Variants in TMEM94 observed in about 807,000 individuals in gnomAD.
The protein encoded by TMEM94 is transmembrane protein 94.
In TMEM94, 81 loss-of-function variants were observed where a neutral mutation model predicts 158.6. That is an observed-to-expected ratio of 0.51 (90% CI 0.43 to 0.61). The LOEUF is 0.61. Among genes scored for constraint, TMEM94 ranks in the 20% least tolerant of loss-of-function variants. TMEM94 has a pLI of 0.00. For synonymous variants in TMEM94, 751 were observed against 730.7 expected (o/e 1.03, Z -0.45); for missense variants, 1,435 against 1,762.0 (o/e 0.81, Z 3.32).
Position 75,489,389 on chromosome 17 carries a change from C to T in TMEM94, c.867+21C>T, listed in dbSNP as rs370143445. 4.1e-5 allele frequency: 66 copies of T among 1,608,242 alleles called. No homozygotes were observed. Among genetic ancestry groups the T allele is most frequent in the South Asian group, 2.2e-4 (20 of 90,948 alleles). On this transcript the variant is annotated intron_variant, in intron 8 of 31. Coordinates refer to ENST00000314256, the MANE Select transcript of TMEM94 (RefSeq NM_014738.6). This position sits in a 1 kb window ranked among gnomAD's most constrained non-coding sequence, Gnocchi z 5.0. ...TCCTGGTGCGTGTGGCGGGGCTGTG[C>T]GGGGCTGCATGGGGCAGAGGAGAGG... is the stretch of plus-strand genomic sequence containing the variant.
chr17:75,487,901 AGG>A lies in TMEM94; in HGVS notation c.410-29_410-28del, dbSNP rs2051761208. ...ACTGGGGGGCAGGGCCGTGGCTGAG[AGG>A]GTTGTTTCCCTCTTTCCATTCCCCT... is the stretch of plus-strand genomic sequence containing the variant. On this transcript the variant is annotated intron_variant, in intron 5 of 31. Transcript: ENST00000314256. The surrounding 1 kb of genome is among the most constrained non-coding windows in gnomAD (Gnocchi z 4.6). 2 of 1,586,764 alleles carry A rather than the reference AGG, an allele frequency of 1.3e-6. No homozygotes were observed. The highest frequency in any genetic ancestry group is 1.3e-5 in the African/African-American group (1 of 74,320).
Position 75,485,397 on chromosome 17 carries a change from G to A in TMEM94, c.25-31G>A, listed in dbSNP as rs72854381. 62 of 1,602,734 alleles carry A rather than the reference G, an allele frequency of 3.9e-5. No homozygotes were observed. Among genetic ancestry groups the A allele is most frequent in the Non-Finnish European group, 5.3e-5 (62 of 1,171,760 alleles). ...TGCCTTGCATAGCCTTGGCCTGGCA[G>A]TGACGCCCAGCGCCTCCTGCTTGCC... On this transcript the variant is annotated intron_variant, in intron 2 of 31. Coordinates refer to ENST00000314256, the MANE Select transcript of TMEM94 (RefSeq NM_014738.6). The surrounding 1 kb of genome is among the most constrained non-coding windows in gnomAD (Gnocchi z 5.5).
chr17:75,470,066 T>A (rs2050441362), intron 1 of TMEM94, among the ~76,000 whole-genome samples: 1 of 151,976 alleles, frequency 6.6e-6, no homozygotes, highest in Non-Finnish European at 1.5e-5. Context: ...AGAGTGAAAC[T>A]CCGTCTCAAA....
Position 75,498,863 on chromosome 17 carries a change from G to A in TMEM94, c.3828-49G>A. ...TAACTGTTGTACTGGGAAGAGCAGG[G>A]AAGGAAGCAAGCAGTGTCGGGTTCA... On this transcript the variant is annotated intron_variant, in intron 30 of 31. Coordinates refer to ENST00000314256, the MANE Select transcript of TMEM94 (RefSeq NM_014738.6). This position sits in a 1 kb window ranked among gnomAD's most constrained non-coding sequence, Gnocchi z 6.7. 6.6e-7 allele frequency: 1 copy of A among 1,525,664 alleles called. No homozygotes were observed. The highest frequency in any genetic ancestry group is 8.8e-7 in the Non-Finnish European group (1 of 1,136,698). The allele number at this position is 1,525,664 out of a possible 1,614,324, so 94.5% of individuals were successfully genotyped here.
chr17:75,457,940 G>T (rs868414546), intron 1 of TMEM94, among the ~76,000 whole-genome samples: 10 of 152,052 alleles, frequency 6.6e-5, no homozygotes, highest in African/African-American at 2.4e-4. Flanking sequence ...AAAGCGATGG[G>T]CATTAAAAGT....
In TMEM94 at chr17:75,488,053, G is replaced by T. The variant is rs757660176; in HGVS notation, c.531G>T (p.Leu177=). 1.2e-6 allele frequency: 2 copies of T among 1,614,216 alleles called. No homozygotes were observed. The highest frequency in any genetic ancestry group is 1.7e-6 in the Non-Finnish European group (2 of 1,180,034). The change falls in exon 6 of 32, where the codon CTG becomes CTT. Residue 177 remains leucine, a synonymous_variant. Coordinates refer to ENST00000314256, the MANE Select transcript of TMEM94 (RefSeq NM_014738.6). ...WAYRDGHLVN[L]PVSLLVEGDI... The stretch of plus-strand genomic sequence containing the variant: ...ACAGAGACGGACACCTGGTCAACCT[G>T]CCAGTCAGCCTGCTGGTTGAAGGAG...
chr17:75,461,337 T>C (rs1330839719), intron 1 of TMEM94, among the ~76,000 whole-genome samples: 1 of 151,234 alleles, frequency 6.6e-6, no homozygotes, highest in Non-Finnish European at 1.5e-5. Context: ...TGACCCCAGA[T>C]GATCCGCCTG....
chr17:75,499,508 T>A lies in TMEM94; in HGVS notation c.*174T>A. 1.6e-6 allele frequency: 1 copy of A among 641,680 alleles called. No individual in the cohort carries two copies. Among genetic ancestry groups the A allele is most frequent in the Non-Finnish European group, 2.7e-6 (1 of 370,262 alleles). 39.7% of individuals were successfully genotyped at this position (641,680 alleles called of 1,614,324 possible). ...TGTCTTCCTGAGCCCTGGGGCTCAC[T>A]GTGGAGGAGCTGACGGCCTGGGCCC... On this transcript the variant is annotated 3_prime_UTR_variant, in exon 32 of 32. Transcript: ENST00000314256.
In TMEM94 at chr17:75,490,309, C is replaced by T. The variant is rs757820068; in HGVS notation, c.1030C>T (p.Arg344Cys). 12 of 1,613,966 alleles carry T rather than the reference C, an allele frequency of 7.4e-6. No individual in the cohort carries two copies. The highest frequency in any genetic ancestry group is 1.6e-4 in the Middle Eastern group (1 of 6,084). ...WVLATACGEARVLAQMSKASP... is the reference protein window; with the variant it reads ...WVLATACGEACVLAQMSKASP... ...TCTGGCAACTGCCTGTGGAGAGGCC[C>T]GTGTCCTGGCCCAGATGAGCAAGGC... The change falls in exon 10 of 32, where the codon CGT (arginine) becomes TGT (cysteine). Residue 344 changes from arginine (R) to cysteine (C), a missense_variant. Arg to Cys is a radical substitution (Grantham distance 180, BLOSUM62 -3). This residue lies in a region of TMEM94 where 1,051 missense variants were observed against 1,254.4 expected (regional missense o/e 0.84). Coordinates refer to ENST00000314256, the MANE Select transcript of TMEM94 (RefSeq NM_014738.6).
chr17:75,498,983 T>A lies in TMEM94; in HGVS notation c.3899T>A (p.Phe1300Tyr), dbSNP rs752883965. The A allele has an allele frequency of 1.9e-6, 3 of 1,600,622 alleles. No homozygotes were observed. The highest frequency in any genetic ancestry group is 2.2e-5 in the South Asian group (2 of 90,686). ...LWTHRDSHVH[F>Y]GLEDVPLLTW... ...ACACACAGGGACAGCCACGTCCACTTTGGCCTGGAGGACGTGCCCCTGCTG... is the reference window on the plus strand; with the variant it reads ...ACACACAGGGACAGCCACGTCCACTATGGCCTGGAGGACGTGCCCCTGCTG... The change falls in exon 31 of 32, where the codon TTT (phenylalanine) becomes TAT (tyrosine). Residue 1300 changes from phenylalanine (F) to tyrosine (Y), a missense_variant. Physicochemically the swap from Phe to Tyr is conservative, Grantham distance 22 (BLOSUM62 3). Around this residue, in one of 3 missense-constraint regions of TMEM94, gnomAD observed 335 missense variants for 409.1 expected, o/e 0.82. Transcript: ENST00000314256. The surrounding 1 kb of genome is among the most constrained non-coding windows in gnomAD (Gnocchi z 6.7).
intron 1 of TMEM94, among the ~76,000 whole-genome samples, chr17:75,467,768 G>A (rs535684596): frequency 2.0e-5 from 3 of 151,192 alleles, no homozygotes; most frequent in East Asian, 1.9e-4. Flanking sequence ...TCCTGACCTC[G>A]TGATCCACCC....
chr17:75,457,226 G>A (rs961749160), intron 1 of TMEM94: 5 of 152,334 alleles, frequency 3.3e-5, no homozygotes, highest in African/African-American at 9.6e-5. Flanking sequence ...AGCCGGCCGA[G>A]GGGCTCCTGG....
At position 75,496,270 on chromosome 17, in the gene TMEM94, C is replaced by G. The variant is rs78549838; in HGVS notation, c.3054-12C>G. ...ATACAGCTGAAGTGTGTGTGTCCCC[C>G]ACCCTGAGCAGCATTGCCCTGGATC... On this transcript the variant is annotated splice_polypyrimidine_tract_variant and intron_variant, in intron 23 of 31. Coordinates refer to ENST00000314256, the MANE Select transcript of TMEM94 (RefSeq NM_014738.6). The G allele has an allele frequency of 3.7e-6, 6 of 1,614,146 alleles. No individual in the cohort carries two copies. Among genetic ancestry groups the G allele is most frequent in the South Asian group, 1.1e-5 (1 of 91,086 alleles).
In TMEM94 at chr17:75,485,805, G is replaced by A. The variant is rs981281935; in HGVS notation, c.145-66G>A. 92 of 1,525,290 alleles carry A rather than the reference G, an allele frequency of 6.0e-5. 1 individual carries two copies. The highest frequency in any genetic ancestry group is 8.0e-5 in the Non-Finnish European group (90 of 1,128,940). The allele number at this position is 1,525,290 out of a possible 1,614,324, so 94.5% of individuals were successfully genotyped here. ...GGCCATGGGGGCTGGGAAGGGTGCCGGGGGAGGCAGCCAGATTGGAGTGGG... is the reference window on the plus strand; with the variant it reads ...GGCCATGGGGGCTGGGAAGGGTGCCAGGGGAGGCAGCCAGATTGGAGTGGG... On this transcript the variant is annotated intron_variant, in intron 3 of 31. Coordinates refer to ENST00000314256, the MANE Select transcript of TMEM94 (RefSeq NM_014738.6). This position sits in a 1 kb window ranked among gnomAD's most constrained non-coding sequence, Gnocchi z 5.5.
At chr17:75,476,540 T>G (rs2050699571) in intron 2 of TMEM94, 1 of 1,441,288 alleles carries the variant, frequency 6.9e-7, no homozygotes, top group African/African-American at 1.4e-5. Flanking sequence ...TGCGCCTGAT[T>G]CTGTGCAGCA....
rs376425373 is a variant in TMEM94, at chr17:75,491,873, C to T, written c.1569C>T (p.Thr523=). The T allele has an allele frequency of 9.9e-6, 16 of 1,613,410 alleles. No homozygotes were observed. Among genetic ancestry groups the T allele is most frequent in the East Asian group, 4.5e-5 (2 of 44,846 alleles). ...SGSNVSFSRD[T]EGGEEEPSKT... ...CCAACGTGAGCTTCAGCAGGGACAC[C>T]GAGGGTGGTGAAGAAGAGCCCAGCA... Residue 523 remains threonine, a synonymous_variant, in exon 14 of 32, where the codon ACC becomes ACT. Coordinates refer to ENST00000314256, the MANE Select transcript of TMEM94 (RefSeq NM_014738.6). The surrounding 1 kb of genome is among the most constrained non-coding windows in gnomAD (Gnocchi z 5.1).
chr17:75,465,679 A>ATATATATATATATATATATATTTTTT, intron 1 of TMEM94, among the ~76,000 whole-genome samples: 1 of 124,820 alleles, frequency 8.0e-6, no homozygotes, highest in Non-Finnish European at 1.6e-5. Flanking sequence ...ATATATATAT[A>ATATATATATATATATATATATTTTTT]TTTTTTTTTA....
chr17:75,472,540 C>T (rs1038565353), intron 2 of TMEM94, among the ~76,000 whole-genome samples: 2 of 152,220 alleles, frequency 1.3e-5, no homozygotes, highest in African/African-American at 4.8e-5. Flanking sequence ...TCTGCCACAC[C>T]TTCCTAATAG....
At chr17:75,464,816 C>T (rs1315605872) in intron 1 of TMEM94, among the ~76,000 whole-genome samples, 1 of 151,774 alleles carries the variant, frequency 6.6e-6, no homozygotes. Context: ...TCATGCGATT[C>T]TCCTGCCTCA....
Sources: allele counts gnomAD v4.1 joint callset (sites outside exome capture counted in the v4.1 genomes callset), GRCh38; gene constraint gnomAD v4.1.1; regional missense constraint gnomAD v4.1.1; non-coding constraint Gnocchi (gnomAD v3.1); transcripts MANE v1.5; gene names NCBI Gene and HGNC (gene_info 2026-07-23, HGNC 2026-07-21).